The following MAP1S variants were observed in gnomAD, a reference collection of about 807,000 sequenced individuals.
MAP1S encodes the protein microtubule associated protein 1S.
Under a neutral mutation model 60.9 loss-of-function variants are expected in MAP1S, and 27 were observed. The observed-to-expected ratio is 0.44, with a 90% CI of 0.33 to 0.61. The LOEUF is 0.61. Ranked by LOEUF, MAP1S falls within the 20% of genes least tolerant of loss-of-function variation. MAP1S has a pLI of 0.03. For missense variants in MAP1S, 1,608 were observed against 1,486.6 expected (o/e 1.08, Z -1.34); for synonymous variants, 826 against 694.2 (o/e 1.19, Z -2.98).
chr19:17,726,148 T>C lies in MAP1S; in HGVS notation c.764T>C (p.Phe255Ser), dbSNP rs1330717452. The part of the protein sequence containing the change: ...IFPGGLGDAA[F>S]FAVNGFTVLV... ...CCTGGAGGCCTCGGGGATGCCGCCT[T>C]CTTCGCCGTCAATGGCTTCACTGTG... is the stretch of plus-strand genomic sequence containing the variant. Residue 255 changes from phenylalanine to serine, a missense_variant, in exon 5 of 7, where the codon TTC becomes TCC. Transcript: ENST00000324096. 7 of 1,613,738 alleles carry C rather than the reference T, an allele frequency of 4.3e-6. No individual in the cohort carries two copies. The African/African-American group carries it at 5.3e-5, about 12-fold the overall frequency.
Position 17,727,636 on chromosome 19 carries a change from T to G in MAP1S, c.2252T>G (p.Val751Gly). The G allele has an allele frequency of 6.2e-7, 1 of 1,608,144 alleles. No individual in the cohort carries two copies. The highest frequency in any genetic ancestry group is 8.5e-7 in the Non-Finnish European group (1 of 1,179,698). The part of the protein sequence containing the change: ...SPCEFEHRKA[V>G]PMAPAPASPG... ...TGTGAATTTGAGCATCGCAAGGCGGTGCCAATGGCACCGGCACCTGCGTCC... is the reference window on the plus strand; with the variant it reads ...TGTGAATTTGAGCATCGCAAGGCGGGGCCAATGGCACCGGCACCTGCGTCC... Residue 751 changes from valine to glycine, a missense_variant, in exon 5 of 7, where the codon GTG becomes GGG. By Grantham distance (109) the Val-to-Gly change is moderately radical. Transcript: ENST00000324096. This position sits in a 1 kb window ranked among gnomAD's most constrained non-coding sequence, Gnocchi z 4.1.
chr19:17,721,752 G>T (rs961830571), intron 2 of MAP1S, among the ~76,000 whole-genome samples: 5 of 152,172 alleles, frequency 3.3e-5, no homozygotes, highest in Admixed American at 6.5e-5. Context: ...TGGAGTGTGG[G>T]CCCCTTGCAG....
chr19:17,719,916 C>A, intron 1 of MAP1S: 1 of 174,242 alleles, frequency 5.7e-6, no homozygotes, highest in Non-Finnish European at 1.1e-5. Flanking sequence ...GCTTGGGGAC[C>A]CTTGCAGTTG....
chr19:17,728,266 TA>T (rs1421738386), intron 5 of MAP1S, 94 bp downstream of exon 5: 1 of 1,324,212 alleles, frequency 7.6e-7, no homozygotes, highest in Non-Finnish European at 1.0e-6. Context: ...TCAGTTTTTT[TA>T]AAAGAGATGG....
chr19:17,726,513 G>A lies in MAP1S; in HGVS notation c.1129G>A (p.Val377Met), dbSNP rs757667312. The change falls in exon 5 of 7, where the codon GTG (valine) becomes ATG (methionine). Residue 377 changes from valine to methionine, a missense_variant. Around this residue, in one of 4 missense-constraint regions of MAP1S, gnomAD observed 1,167 missense variants for 961.4 expected, o/e 1.21. Coordinates refer to ENST00000324096, the MANE Select transcript of MAP1S (RefSeq NM_018174.6). Reference protein sequence around the residue: ...ITPLPLSRGPVPAKPTVLFEK... With the variant: ...ITPLPLSRGPMPAKPTVLFEK... ...GCCTCTGCCACTCAGCCGCGGCCCC[G>A]TGCCAGCCAAACCCACCGTGCTCTT... is the stretch of plus-strand genomic sequence containing the variant. 1.9e-6 allele frequency: 3 copies of A among 1,554,140 alleles called. No homozygotes were observed. Among genetic ancestry groups the A allele is most frequent in the Admixed American group, 1.9e-5 (1 of 52,396 alleles).
In MAP1S at chr19:17,719,518, G is replaced by A. The variant is rs369645374; in HGVS notation, c.16G>A (p.Gly6Arg). Residue 6 changes from glycine (G) to arginine (R), a missense_variant, in exon 1 of 7, where the codon GGA (glycine) becomes AGA (arginine). Around this residue, in one of 4 missense-constraint regions of MAP1S, gnomAD observed 45 missense variants for 22.0 expected, o/e 2.04. Coordinates refer to ENST00000324096, the MANE Select transcript of MAP1S (RefSeq NM_018174.6). The part of the protein sequence containing the change: MAAVA[G>R]SGAAAAPSSL... ...CGGCCCGAAGATGGCGGCGGTGGCT[G>A]GATCTGGGGCTGCCGCGGCTCCGAG... is the stretch of plus-strand genomic sequence containing the variant. 3.9e-4 allele frequency: 491 copies of A among 1,245,710 alleles called. 6 individuals are homozygous for A. In the African/African-American group the frequency reaches 6.8e-3, roughly 17 times the overall value. The allele number at this position is 1,245,710 out of a possible 1,614,324, so 77.2% of individuals were successfully genotyped here.
Position 17,734,484 on chromosome 19 carries a change from C to A in MAP1S, c.*56C>A. ...CAGCCCGCCTGTCCCTAGATTCAGC[C>A]ACATCAGAAATAAACTGTGACTACA... On this transcript the variant is annotated 3_prime_UTR_variant, in exon 7 of 7. Coordinates refer to ENST00000324096, the MANE Select transcript of MAP1S (RefSeq NM_018174.6). The A allele has an allele frequency of 6.4e-7, 1 of 1,562,802 alleles. No individual in the cohort carries two copies. The highest frequency in any genetic ancestry group is 1.7e-4 in the Middle Eastern group (1 of 5,860).
intron 1 of MAP1S, chr19:17,720,723 G>T (rs1251271845): frequency 6.4e-6 from 4 of 620,810 alleles, no homozygotes; most frequent in Non-Finnish European, 1.1e-5. Flanking sequence ...CTTTGTTGCT[G>T]ATGAATCTTG....
Position 17,726,382 on chromosome 19 carries a change from A to G in MAP1S, c.998A>G (p.Asn333Ser), listed in dbSNP as rs754547623. Residue 333 changes from asparagine (N) to serine (S), a missense_variant, in exon 5 of 7, where the codon AAC (asparagine) becomes AGC (serine). Physicochemically the swap from Asn to Ser is conservative, Grantham distance 46 (BLOSUM62 1). Around this residue, in one of 4 missense-constraint regions of MAP1S, gnomAD observed 1,167 missense variants for 961.4 expected, o/e 1.21. Coordinates refer to ENST00000324096, the MANE Select transcript of MAP1S (RefSeq NM_018174.6). ...AGGCTGCGCAGGCTCATCTCCCCCA[A>G]CCTGGGGGTCGTGTTCTTCAACGCC... The part of the protein sequence containing the change: ...DDRLRRLISP[N>S]LGVVFFNACE... 14 of 1,594,184 alleles carry G rather than the reference A, an allele frequency of 8.8e-6. No individual in the cohort carries two copies. The highest frequency in any genetic ancestry group is 1.3e-5 in the African/African-American group (1 of 74,846).
At position 17,726,713 on chromosome 19, in the gene MAP1S, C is replaced by T. The variant is rs777894352; in HGVS notation, c.1329C>T (p.Asp443=). The change falls in exon 5 of 7, where the codon GAC becomes GAT. Residue 443 remains aspartate (D), a synonymous_variant. Coordinates refer to ENST00000324096, the MANE Select transcript of MAP1S (RefSeq NM_018174.6). The part of the protein sequence containing the change: ...PGCTPPACLL[D]GLVRLQHLRF... Reference sequence around the variant, plus strand: ...GCACCCCGCCCGCCTGCCTCCTGGACGGCCTGGTCCGCCTGCAGCACTTGA... The same window carrying T: ...GCACCCCGCCCGCCTGCCTCCTGGATGGCCTGGTCCGCCTGCAGCACTTGA... 11 of 1,591,070 alleles carry T rather than the reference C, an allele frequency of 6.9e-6. No homozygotes were observed. The highest frequency in any genetic ancestry group is 5.6e-5 in the South Asian group (5 of 88,602).
At chr19:17,720,024 C>G (rs1052953300) in intron 1 of MAP1S, 1 of 746,274 alleles carries the variant, frequency 1.3e-6, no homozygotes, top group Non-Finnish European at 1.7e-6. Context: ...AGAGATCTCC[C>G]GGAGGGAGAA....
chr19:17,729,826 C>T (rs555516886), intron 5 of MAP1S, among the ~76,000 whole-genome samples: 2 of 152,232 alleles, frequency 1.3e-5, no homozygotes, highest in African/African-American at 4.8e-5. Context: ...CCATGCCCAG[C>T]TAATTTTTGT....
chr19:17,720,813 T>TC, intron 1 of MAP1S, 123 bp from the exon 2 acceptor site: 1 of 786,654 alleles, frequency 1.3e-6, no homozygotes, highest in South Asian at 1.5e-5. Context: ...CTTCTGAGTC[T>TC]CCAAGCTGTG....
At chr19:17,724,082 G>T in intron 2 of MAP1S, 44 bp from the exon 3 acceptor site, 1 of 1,500,872 alleles carries the variant, frequency 6.7e-7, no homozygotes, top group Non-Finnish European at 9.3e-7. Context: ...AGGGTCACAC[G>T]GGGAGGCAGG....
In MAP1S at chr19:17,727,411, CG is replaced by C. The variant is rs758292732; in HGVS notation, c.2029del (p.Val677Ter). 6.3e-7 allele frequency: 1 copy of C among 1,598,448 alleles called. No homozygotes were observed. The highest frequency in any genetic ancestry group is 1.1e-5 in the South Asian group (1 of 89,520). On this transcript the variant is annotated frameshift_variant, in exon 5 of 7. Transcript: ENST00000324096. LOFTEE classifies it high-confidence loss of function. The surrounding 1 kb of genome is among the most constrained non-coding windows in gnomAD (Gnocchi z 4.1). Reference sequence around the variant, plus strand: ...GCCTCACCCACAGTGACCACACCCACGGTGACCACGCCCTCACTACCCGCAG... The same window carrying C: ...GCCTCACCCACAGTGACCACACCCACGTGACCACGCCCTCACTACCCGCAG... ...PDASPTVTTP[T>X]VTTPSLPAEV... is the part of the protein sequence containing the mutation.
At chr19:17,724,238 C>T (rs746303763) in intron 3 of MAP1S, 30 bp downstream of exon 3, 24 of 1,583,598 alleles carry the variant, frequency 1.5e-5, no homozygotes, top group African/African-American at 8.1e-5. Flanking sequence ...CTGGAGGGGG[C>T]GGGCTGCTGG....
Position 17,726,028 on chromosome 19 carries a change from C to T in MAP1S, c.644C>T (p.Ala215Val), listed in dbSNP as rs767709836. The T allele has an allele frequency of 6.2e-7, 1 of 1,613,114 alleles. No homozygotes were observed. The highest frequency in any genetic ancestry group is 1.7e-5 in the Admixed American group (1 of 59,936). ...EGLCEFLEYV[A>V]ESLEPPSPFE... ...CTGTGCGAATTCCTGGAGTACGTGG[C>T]TGAGTCTCTGGAGCCACCGTCCCCC... Residue 215 changes from alanine to valine, a missense_variant, in exon 5 of 7, where the codon GCT (alanine) becomes GTT (valine). Around this residue, in one of 4 missense-constraint regions of MAP1S, gnomAD observed 320 missense variants for 393.1 expected, o/e 0.81. Transcript: ENST00000324096.
In MAP1S at chr19:17,727,244, G is replaced by A. The variant is rs1209342244; in HGVS notation, c.1860G>A (p.Glu620=). 13 of 1,570,010 alleles carry A rather than the reference G, an allele frequency of 8.3e-6. No homozygotes were observed. The South Asian group carries it at 1.0e-4, about 12-fold the overall frequency. Residue 620 remains glutamate (E), a synonymous_variant, in exon 5 of 7, where the codon GAG becomes GAA. Coordinates refer to ENST00000324096, the MANE Select transcript of MAP1S (RefSeq NM_018174.6). The surrounding 1 kb of genome is among the most constrained non-coding windows in gnomAD (Gnocchi z 4.1). ...SLELGPIPAG[E]EKALELPLAA... Reference sequence around the variant, plus strand: ...AGCTGGGGCCGATCCCAGCCGGGGAGGAGAAGGCACTGGAGCTGCCTTTGG... The same window carrying A: ...AGCTGGGGCCGATCCCAGCCGGGGAAGAGAAGGCACTGGAGCTGCCTTTGG...
chr19:17,725,812 ACTC>A lies in MAP1S; in HGVS notation c.445-9_445-7del, dbSNP rs758435418. ...GCCTGGCTCTAGGTGGTCCCTTACC[ACTC>A]CTCCTCCATACAGATCCGGGACATC... On this transcript the variant is annotated splice_polypyrimidine_tract_variant and intron_variant, in intron 4 of 6. Transcript: ENST00000324096. The surrounding 1 kb of genome is among the most constrained non-coding windows in gnomAD (Gnocchi z 4.2). 6.9e-6 allele frequency: 11 copies of A among 1,596,168 alleles called. No individual in the cohort carries two copies. The highest frequency in any genetic ancestry group is 5.6e-5 in the South Asian group (5 of 89,652).
Sources: allele counts gnomAD v4.1 joint callset (sites outside exome capture counted in the v4.1 genomes callset), GRCh38; gene constraint gnomAD v4.1.1; regional missense constraint gnomAD v4.1.1; non-coding constraint Gnocchi (gnomAD v3.1); transcripts MANE v1.5; gene names NCBI Gene and HGNC (gene_info 2026-07-23, HGNC 2026-07-21).